CFAP47: variants seen among roughly 807,000 people sequenced by gnomAD.
The protein encoded by CFAP47 is cilia- and flagella-associated protein 47.
A neutral mutation model predicts 148.1 loss-of-function variants in CFAP47; 29 were observed. The ratio of observed to expected loss-of-function variants is 0.20; its 90% confidence interval spans 0.15 to 0.27. The LOEUF (loss-of-function observed/expected upper bound fraction) is 0.27, where lower values mean the gene tolerates loss of function less well. CFAP47 is among the 10% of genes least tolerant of loss of function. The probability of loss-of-function intolerance (pLI) is 1.00; values close to 1 mark genes in which losing one functional copy is unlikely to be tolerated. For synonymous variants in CFAP47, 664 were observed against 577.3 expected, an observed-to-expected ratio of 1.15 and a Z score of -2.15; for missense variants, 1,872 against 1,697.5, an observed-to-expected ratio of 1.10 and a Z score of -1.81.
Position 36,035,205 on chromosome X carries a change from T to G in CFAP47, c.3652-490T>G, listed in dbSNP as rs960617855. On this transcript the variant is annotated intron_variant, in intron 23 of 63. Coordinates refer to ENST00000378653, the MANE Select transcript of CFAP47 (RefSeq NM_001304548.2). ...CTAACCTGTGGCCTATTAAAATTGC[T>G]GACACGTTTATCACCTAGAGTACAT... is the stretch of plus-strand genomic sequence containing the variant. Among the ~76,000 whole-genome samples, 7 of 111,962 alleles carry G rather than the reference T, an allele frequency of 6.3e-5. No homozygotes were observed. The East Asian group carries it at 2.0e-3, about 31-fold the overall frequency.
intron 55 of CFAP47, among the ~76,000 whole-genome samples, chrX:36,309,434 T>C (rs943739432): frequency 6.3e-5 from 7 of 111,404 alleles, no homozygotes; most frequent in Non-Finnish European, 1.3e-4. Context: ...CTTTAAAAGT[T>C]TTAATGTCTC....
At chrX:36,047,104 A>G (rs1325112761) in intron 26 of CFAP47, 41 bp downstream of exon 26, 2 of 865,195 alleles carry the variant, frequency 2.3e-6, no homozygotes, top group Non-Finnish European at 3.3e-6. Flanking sequence ...TCTGACATTA[A>G]AGAATAACAT....
intron 61 of CFAP47, among the ~76,000 whole-genome samples, chrX:36,364,122 A>G (rs1387860095): frequency 1.8e-5 from 2 of 111,199 alleles, no homozygotes; most frequent in African/African-American, 6.5e-5. Flanking sequence ...TAAAATAAGA[A>G]ATATCACACA....
intron 21 of CFAP47, among the ~76,000 whole-genome samples, chrX:36,012,717 G>A (rs1937053225): frequency 9.0e-6 from 1 of 111,411 alleles, no homozygotes; most frequent in African/African-American, 3.3e-5. Context: ...TAATGCATGC[G>A]GGGCTTAAAA....
chrX:36,227,263 C>T, intron 45 of CFAP47, among the ~76,000 whole-genome samples: 1 of 111,719 alleles, frequency 9.0e-6, no homozygotes, highest in Middle Eastern at 4.7e-3. Context: ...TAACTGTTTT[C>T]TCCTCAGACC....
intron 37 of CFAP47, among the ~76,000 whole-genome samples, chrX:36,151,503 C>T: frequency 9.0e-6 from 1 of 111,268 alleles, no homozygotes; most frequent in Non-Finnish European, 1.9e-5. Flanking sequence ...TCCTAATACC[C>T]TATTAGTGTT....
intron 22 of CFAP47, among the ~76,000 whole-genome samples, chrX:36,017,639 A>C: frequency 9.0e-6 from 1 of 111,575 alleles, no homozygotes; most frequent in South Asian, 3.7e-4. Context: ...TTATTGAAGT[A>C]AGTCTTTTCC....
chrX:35,926,119 C>A lies in CFAP47; in HGVS notation c.352C>A (p.Arg118=). Residue 118 remains arginine, a synonymous_variant, in exon 2 of 64, where the codon CGG becomes AGG. Coordinates refer to ENST00000378653, the MANE Select transcript of CFAP47 (RefSeq NM_001304548.2). ...HPDKDEDTFD[R]LLISIENKTT... is the part of the protein sequence containing the mutation. Reference sequence around the variant, plus strand: ...TGATAAAGACGAAGACACTTTTGACCGGCTACTTATTTCAATAGAAAATAA... The same window carrying A: ...TGATAAAGACGAAGACACTTTTGACAGGCTACTTATTTCAATAGAAAATAA... The A allele has an allele frequency of 8.3e-7, 1 of 1,204,829 alleles. No homozygotes were observed. Among genetic ancestry groups the A allele is most frequent in the Non-Finnish European group, 1.1e-6 (1 of 890,177 alleles).
intron 53 of CFAP47, among the ~76,000 whole-genome samples, chrX:36,302,568 GAT>G (rs1239650674): frequency 9.0e-6 from 1 of 111,572 alleles, no homozygotes; most frequent in Non-Finnish European, 1.9e-5. Context: ...ACAGTAAAGA[GAT>G]ATGAAAAACT....
chrX:36,074,865 A>G (rs1459136785), intron 29 of CFAP47, among the ~76,000 whole-genome samples: 3 of 111,759 alleles, frequency 2.7e-5, no homozygotes, highest in East Asian at 2.8e-4. Context: ...GATAAAATGT[A>G]TGAGTGAGAT....
intron 49 of CFAP47, among the ~76,000 whole-genome samples, chrX:36,280,092 A>G (rs1941062480): frequency 1.8e-5 from 2 of 111,145 alleles, no homozygotes; most frequent in Admixed American, 1.9e-4. Context: ...GTGATATTAT[A>G]TAAAATAAAA....
chrX:36,332,471 A>G (rs1941573103), intron 57 of CFAP47, among the ~76,000 whole-genome samples: 1 of 111,557 alleles, frequency 9.0e-6, no homozygotes, highest in Non-Finnish European at 1.9e-5. Context: ...AAAGGATTAG[A>G]TTTATGTTTT....
chrX:35,992,778 A>G (rs1031431684), intron 17 of CFAP47, among the ~76,000 whole-genome samples: 1 of 111,546 alleles, frequency 9.0e-6, no homozygotes, highest in Non-Finnish European at 1.9e-5. Flanking sequence ...GAAATAAACA[A>G]GAGATTACTT....
intron 49 of CFAP47, among the ~76,000 whole-genome samples, chrX:36,266,976 C>T (rs1364211823): frequency 3.6e-5 from 4 of 111,125 alleles, no homozygotes; most frequent in African/African-American, 1.3e-4. Flanking sequence ...AGACAGTCTG[C>T]TTGACGCATG....
intron 29 of CFAP47, among the ~76,000 whole-genome samples, chrX:36,082,984 CTAT>C (rs1030073951): frequency 4.4e-4 from 49 of 111,017 alleles, no homozygotes; most frequent in African/African-American, 1.5e-3. Flanking sequence ...TAAATCTTAG[CTAT>C]TATTAATAAG....
rs183574060 is a variant in CFAP47 at position 36,316,121 on chromosome X, G to T, written c.8345-3088G>T. Among the ~76,000 whole-genome samples the T allele has an allele frequency of 3.6e-5, 4 of 112,061 alleles. 1 individual carries two copies. The South Asian group carries it at 1.5e-3, about 42-fold the overall frequency. On this transcript the variant is annotated intron_variant, in intron 56 of 63. Transcript: ENST00000378653. ...TTTGCACATGGCTTCTCAGTAAGCAGGCAGAACAATTTCTCACTAACTGTT... is the reference window on the plus strand; with the variant it reads ...TTTGCACATGGCTTCTCAGTAAGCATGCAGAACAATTTCTCACTAACTGTT...
chrX:36,265,306 G>A (rs188520041), intron 49 of CFAP47, among the ~76,000 whole-genome samples: 590 of 111,972 alleles, frequency 5.3e-3, no homozygotes, highest in African/African-American at 0.018. Context: ...GAAGCCTTCT[G>A]GTGGTGTCTG....
At chrX:36,184,883 C>T (rs1225595859) in intron 40 of CFAP47, among the ~76,000 whole-genome samples, 2 of 107,774 alleles carry the variant, frequency 1.9e-5, no homozygotes, top group Admixed American at 2.0e-4. Context: ...CAGTGGGCCA[C>T]GATTGTGCCA....
intron 41 of CFAP47, among the ~76,000 whole-genome samples, chrX:36,189,004 C>T (rs1939837367): frequency 9.0e-6 from 1 of 111,218 alleles, no homozygotes; most frequent in East Asian, 2.8e-4. Context: ...ATTTTGGGGA[C>T]AGGTATCACC....
Sources: gnomAD v4.1 joint callset for allele counts (sites outside exome capture counted in the v4.1 genomes callset) on GRCh38, gnomAD v4.1.1 for gene constraint, MANE v1.5 for transcripts, NCBI Gene and HGNC (gene_info 2026-07-23, HGNC 2026-07-21) for gene names.